CREBL2: variants seen among roughly 807,000 people sequenced by gnomAD.
CREBL2 encodes the protein cAMP responsive element binding protein like 2.
Under a neutral mutation model 19.5 loss-of-function variants are expected in CREBL2, and 4 were observed. The ratio of observed to expected loss-of-function variants is 0.20; its 90% confidence interval spans 0.10 to 0.47. The LOEUF (loss-of-function observed/expected upper bound fraction) is 0.47, where lower values mean the gene tolerates loss of function less well. Among genes scored for constraint, CREBL2 ranks in the 20% least tolerant of loss-of-function variants. CREBL2 has a pLI of 0.98. For missense variants in CREBL2, 85 were observed against 145.1 expected (o/e 0.59, Z 2.13); for synonymous variants, 42 against 46.6 (o/e 0.90, Z 0.40).
At position 12,612,077 on chromosome 12, in the gene CREBL2, T is replaced by G; in HGVS notation, c.-96T>G. On this transcript the variant is annotated 5_prime_UTR_variant, in exon 1 of 4. Coordinates refer to ENST00000228865, the MANE Select transcript of CREBL2 (RefSeq NM_001310.4). Reference sequence around the variant, plus strand: ...AGAGGAGGAGGCAGCCAGAACCATATCCCCTTCTTCCTCGGGGCGGGGGCC... The same window carrying G: ...AGAGGAGGAGGCAGCCAGAACCATAGCCCCTTCTTCCTCGGGGCGGGGGCC... 1.4e-6 allele frequency: 2 copies of G among 1,469,720 alleles called. No homozygotes were observed. Among genetic ancestry groups the G allele is most frequent in the Non-Finnish European group, 1.9e-6 (2 of 1,061,280 alleles). The allele number at this position is 1,469,720 out of a possible 1,614,324, so 91.0% of individuals were successfully genotyped here.
chr12:12,618,453 T>C (rs1945331926), intron 1 of CREBL2, among the ~76,000 whole-genome samples: 1 of 145,134 alleles, frequency 6.9e-6, no homozygotes, highest in Non-Finnish European at 1.5e-5. Context: ...GCAGAGGCGC[T>C]CCCCACATCT....
At position 12,635,890 on chromosome 12, in the gene CREBL2, A is replaced by G. The variant is rs1284879937; in HGVS notation, c.129A>G (p.Arg43=). ...AGAGTGCAAGAGAATGCCGAGCCCG[A>G]AAAAAGCTGAGATATCAGTATTTGG... ...SRQSARECRA[R]KKLRYQYLEE... The change falls in exon 2 of 4, where the codon CGA becomes CGG. Residue 43 remains arginine, a synonymous_variant. Transcript: ENST00000228865. The G allele has an allele frequency of 6.2e-7, 1 of 1,614,204 alleles. No individual in the cohort carries two copies. The highest frequency in any genetic ancestry group is 2.2e-5 in the East Asian group (1 of 44,896).
At position 12,643,324 on chromosome 12, in the gene CREBL2, C is replaced by G. The variant is rs1228894859; in HGVS notation, c.*1326C>G. 6.6e-6 allele frequency: 1 copy of G among 152,634 alleles called. No individual in the cohort carries two copies. Among genetic ancestry groups the G allele is most frequent in the Non-Finnish European group, 1.5e-5 (1 of 68,044 alleles). 9.5% of individuals were successfully genotyped at this position (152,634 alleles called of 1,614,324 possible). On this transcript the variant is annotated 3_prime_UTR_variant, in exon 4 of 4. Transcript: ENST00000228865. ...TCATAATATGATACACCCAGACAGA[C>G]CCAGAAATCTTTTGATTTCCCCAGC... is the stretch of plus-strand genomic sequence containing the variant.
chr12:12,623,467 T>G (rs1397049729), intron 1 of CREBL2, among the ~76,000 whole-genome samples: 1 of 152,182 alleles, frequency 6.6e-6, no homozygotes, highest in Non-Finnish European at 1.5e-5. Flanking sequence ...GAAAGAGGGC[T>G]AGAGCTGATC....
chr12:12,612,227 G>T (rs1592235281), intron 1 of CREBL2, 40 bp downstream of exon 1: 1 of 1,612,994 alleles, frequency 6.2e-7, no homozygotes, highest in African/African-American at 1.3e-5. Flanking sequence ...CCTTCTTGTC[G>T]CTCAATGCTA....
In CREBL2 at chr12:12,641,484, T is replaced by C. The variant is rs528946137; in HGVS notation, c.359-510T>C. 3.4e-4 allele frequency among the ~76,000 whole-genome samples: 51 copies of C among 151,902 alleles called. 1 individual carries two copies. Among genetic ancestry groups the C allele is most frequent in the African/African-American group, 1.2e-3 (50 of 41,456 alleles). On this transcript the variant is annotated intron_variant, in intron 3 of 3. Transcript: ENST00000228865. ...CACTGCACCCGGCTAATTTTTTGTA[T>C]TTTTAGTAGAGACAGGGTTTCACCA...
chr12:12,617,820 T>C lies in CREBL2; in HGVS notation c.15+5633T>C, dbSNP rs553798172. Among the ~76,000 whole-genome samples the C allele has an allele frequency of 1.4e-3, 219 of 151,754 alleles. 1 individual carries two copies. The highest frequency in any genetic ancestry group is 4.8e-3 in the African/African-American group (200 of 41,330). ...TTCTAGGCAGAGGACCCTGCGGCCT[T>C]CCGCTGTGTTTGTGTCCCTGGGTAC... is the stretch of plus-strand genomic sequence containing the variant. On this transcript the variant is annotated intron_variant, in intron 1 of 3. Coordinates refer to ENST00000228865, the MANE Select transcript of CREBL2 (RefSeq NM_001310.4).
At position 12,612,160 on chromosome 12, in the gene CREBL2, C is replaced by A. The variant is rs755488072; in HGVS notation, c.-13C>A. 1.2e-6 allele frequency: 2 copies of A among 1,612,434 alleles called. No homozygotes were observed. Among genetic ancestry groups the A allele is most frequent in the East Asian group, 2.2e-5 (1 of 44,880 alleles). On this transcript the variant is annotated 5_prime_UTR_variant, in exon 1 of 4. Coordinates refer to ENST00000228865, the MANE Select transcript of CREBL2 (RefSeq NM_001310.4). ...GGGAGGGAGTGCCTGGCCAGGCCGG[C>A]CTGTCTGCCGCGATGGATGACAGTA...
intron 3 of CREBL2, among the ~76,000 whole-genome samples, chr12:12,639,415 C>T (rs1208568595): frequency 1.3e-5 from 2 of 152,208 alleles, no homozygotes; most frequent in African/African-American, 4.8e-5. Flanking sequence ...TACATTCCCA[C>T]CAGCAATGTA....
intron 1 of CREBL2, among the ~76,000 whole-genome samples, chr12:12,620,649 C>T (rs1945352365): frequency 6.6e-6 from 1 of 152,162 alleles, no homozygotes; most frequent in African/African-American, 2.4e-5. Context: ...GTTTAAATAA[C>T]CTTAATCTAA....
chr12:12,634,133 T>G (rs1383476032), intron 1 of CREBL2, among the ~76,000 whole-genome samples: 1 of 151,720 alleles, frequency 6.6e-6, no homozygotes, highest in Non-Finnish European at 1.5e-5. Context: ...CCAATACTAC[T>G]TTTCAGAAAA....
chr12:12,613,279 A>G (rs1248509011), intron 1 of CREBL2, among the ~76,000 whole-genome samples: 1 of 152,084 alleles, frequency 6.6e-6, no homozygotes, highest in Non-Finnish European at 1.5e-5. Context: ...TTGGATTTGG[A>G]CTTTTTTATT....
In CREBL2 at chr12:12,641,250, A is replaced by ATTTTTTT. The variant is rs1248375488; in HGVS notation, c.359-742_359-741insTTTTTTT. Among the ~76,000 whole-genome samples the ATTTTTTT allele has an allele frequency of 4.4e-3, 252 of 57,906 alleles. 47 individuals are homozygous for ATTTTTTT. The highest frequency in any genetic ancestry group is 5.8e-3 in the Non-Finnish European group (167 of 28,642). 38.0% of individuals were successfully genotyped at this position (57,906 alleles called of 152,430 possible). A position where few individuals can be genotyped will look rare whatever the true frequency, so the allele number is the denominator to read the frequency against. Reference sequence around the variant, plus strand: ...CTTTATTATTATTATTATTATTATTATTATTTTTTTTTATTTTTTTTTTTT... The same window carrying ATTTTTTT: ...CTTTATTATTATTATTATTATTATTATTTTTTTTTATTTTTTTTTATTTTTTTTTTTT... On this transcript the variant is annotated intron_variant, in intron 3 of 3. Coordinates refer to ENST00000228865, the MANE Select transcript of CREBL2 (RefSeq NM_001310.4).
intron 1 of CREBL2, chr12:12,614,684 C>G (rs569157049): frequency 1.8e-4 from 50 of 280,022 alleles, no homozygotes; most frequent in Non-Finnish European, 2.9e-4. Context: ...GATCATTTTC[C>G]TTCACACGTT....
At chr12:12,639,958 T>A (rs2136307783) in intron 3 of CREBL2, among the ~76,000 whole-genome samples, 1 of 152,294 alleles carries the variant, frequency 6.6e-6, no homozygotes, top group Non-Finnish European at 1.5e-5. Flanking sequence ...AAAGATCACG[T>A]GCTTTTGAGG....
At chr12:12,630,371 C>A (rs1379411516) in intron 1 of CREBL2, among the ~76,000 whole-genome samples, 1 of 151,980 alleles carries the variant, frequency 6.6e-6, no homozygotes, top group Non-Finnish European at 1.5e-5. Context: ...TCTAGGTTAT[C>A]TAGTTTTTTT....
In CREBL2 at chr12:12,628,979, A is replaced by G. The variant is rs191258473; in HGVS notation, c.16-6798A>G. ...TCTCTATGCTTTTCCATTGGTCTGT[A>G]TGTCTGTCCTTGTGCCAGTATTACA... On this transcript the variant is annotated intron_variant, in intron 1 of 3. Transcript: ENST00000228865. 6.8e-4 allele frequency among the ~76,000 whole-genome samples: 104 copies of G among 152,342 alleles called. 1 individual carries two copies. In the South Asian group the frequency reaches 0.012, roughly 17 times the overall value.
intron 1 of CREBL2, among the ~76,000 whole-genome samples, chr12:12,617,205 C>G (rs1339371536): frequency 1.3e-5 from 2 of 152,170 alleles, no homozygotes; most frequent in African/African-American, 4.8e-5. Flanking sequence ...ATCAGGGTGA[C>G]ATTAAGGAGA....
intron 1 of CREBL2, among the ~76,000 whole-genome samples, chr12:12,618,758 C>T (rs1164131184): frequency 2.0e-5 from 3 of 152,186 alleles, no homozygotes; most frequent in African/African-American, 4.8e-5. Context: ...ACTGAGTGAG[C>T]GAGACTCCAC....
Sources: allele counts gnomAD v4.1 joint callset (sites outside exome capture counted in the v4.1 genomes callset), GRCh38; gene constraint gnomAD v4.1.1; transcripts MANE v1.5; gene names NCBI Gene and HGNC (gene_info 2026-07-23, HGNC 2026-07-21).